SLCO6A1: variants seen among roughly 807,000 people sequenced by gnomAD.
SLCO6A1 encodes the protein solute carrier organic anion transporter family member 6A1.
In SLCO6A1, 65 loss-of-function variants were observed where a neutral mutation model predicts 72.7. That is an observed-to-expected ratio of 0.89 (90% CI 0.73 to 1.10). The LOEUF is 1.10. Among genes scored for constraint, SLCO6A1 ranks in the 50% least tolerant of loss-of-function variants. SLCO6A1 has a pLI of 0.00. For synonymous variants in SLCO6A1, 314 were observed against 298.2 expected, an observed-to-expected ratio of 1.05 and a Z score of -0.55; for missense variants, 874 against 872.6, an observed-to-expected ratio of 1.00 and a Z score of -0.02.
At chr5:102,375,678 G>A (rs1433659751) in intron 12 of SLCO6A1, among the ~76,000 whole-genome samples, 1 of 151,974 alleles carries the variant, frequency 6.6e-6, no homozygotes, top group East Asian at 1.9e-4. Context: ...GGCCGACAGG[G>A]TGCATGAAGA....
intron 7 of SLCO6A1, among the ~76,000 whole-genome samples, chr5:102,420,629 TC>T (rs1748542993): frequency 6.6e-6 from 1 of 150,992 alleles, no homozygotes; most frequent in Non-Finnish European, 1.5e-5. Flanking sequence ...CAGAAGACAA[TC>T]AGATGAGATA....
intron 11 of SLCO6A1, among the ~76,000 whole-genome samples, 193 bp downstream of exon 11, chr5:102,390,788 T>C (rs1746711878): frequency 6.6e-6 from 1 of 152,150 alleles, no homozygotes; most frequent in Non-Finnish European, 1.5e-5. Context: ...TATTTGATAA[T>C]TTGATAATTA....
At chr5:102,431,141 T>A (rs1388353531) in intron 7 of SLCO6A1, among the ~76,000 whole-genome samples, 1 of 151,968 alleles carries the variant, frequency 6.6e-6, no homozygotes, top group African/African-American at 2.4e-5. Flanking sequence ...AGTGGTAATA[T>A]CCTCCTTATC....
rs1220967239 is a variant in SLCO6A1 at position 102,371,781 on chromosome 5, T to G, written c.*358A>C. ...ACACACTGTACAAGCATGTTCAAAG[T>G]GGCTTTGAATGTTATTATTTTACTT... On this transcript the variant is annotated 3_prime_UTR_variant, in exon 14 of 14. Coordinates refer to ENST00000506729, the MANE Select transcript of SLCO6A1 (RefSeq NM_173488.5). 6.6e-6 allele frequency: 1 copy of G among 151,690 alleles called. No individual in the cohort carries two copies. The highest frequency in any genetic ancestry group is 1.5e-5 in the Non-Finnish European group (1 of 67,780). 9.4% of individuals were successfully genotyped at this position (151,690 alleles called of 1,614,324 possible). A position where few individuals can be genotyped will look rare whatever the true frequency, so the allele number is the denominator to read the frequency against.
At chr5:102,455,011 T>A (rs965238608) in intron 6 of SLCO6A1, among the ~76,000 whole-genome samples, 1 of 93,026 alleles carries the variant, frequency 1.1e-5, no homozygotes, top group African/African-American at 3.6e-5. Context: ...TATATAAATA[T>A]ATATATATAT....
intron 6 of SLCO6A1, among the ~76,000 whole-genome samples, chr5:102,452,735 A>T (rs1220581775): frequency 6.6e-6 from 1 of 152,188 alleles, no homozygotes; most frequent in African/African-American, 2.4e-5. Context: ...CTCACTTTAT[A>T]AAAATTCATT....
intron 9 of SLCO6A1, among the ~76,000 whole-genome samples, chr5:102,410,155 C>A (rs201329007): frequency 2.0e-5 from 3 of 152,152 alleles, no homozygotes; most frequent in African/African-American, 7.2e-5. Context: ...CAAAGGAGAA[C>A]TGCAGTGGGT....
intron 11 of SLCO6A1, 82 bp from the exon 12 acceptor site, chr5:102,388,907 T>C: frequency 1.6e-6 from 2 of 1,236,470 alleles, no homozygotes; most frequent in Non-Finnish European, 2.2e-6. Flanking sequence ...ATAATATATA[T>C]GAATGACGAC....
chr5:102,436,858 A>T (rs1749564466), intron 7 of SLCO6A1, among the ~76,000 whole-genome samples: 1 of 152,190 alleles, frequency 6.6e-6, no homozygotes, highest in Non-Finnish European at 1.5e-5. Context: ...TTATATTCTC[A>T]TTTTGGGATG....
intron 11 of SLCO6A1, among the ~76,000 whole-genome samples, chr5:102,389,453 C>CTCT (rs1554065641): frequency 1.4e-5 from 1 of 69,120 alleles, no homozygotes; most frequent in African/African-American, 4.8e-5. Flanking sequence ...CCGCCCCCCA[C>CTCT]CCCCACACAC....
chr5:102,473,709 A>G (rs1751746772), intron 4 of SLCO6A1, among the ~76,000 whole-genome samples: 1 of 152,044 alleles, frequency 6.6e-6, no homozygotes, highest in African/African-American at 2.4e-5. Context: ...TTATATATAG[A>G]AAACCCTAAG....
chr5:102,376,441 G>A (rs995895135), intron 12 of SLCO6A1, among the ~76,000 whole-genome samples: 1 of 151,834 alleles, frequency 6.6e-6, no homozygotes, highest in Non-Finnish European at 1.5e-5. Flanking sequence ...CCAATGGAGG[G>A]GGAGAAATGG....
rs144619414 is a variant in SLCO6A1, at chr5:102,455,027, T to TATATATATATATATACATAA, written c.1131+3354_1131+3355insTTATGTATATATATATATAT. ...ATATAAATATATATATATATATATA[T>TATATATATATATATACATAA]AAATTATGTTATAACAAAGATCTAT... On this transcript the variant is annotated intron_variant, in intron 6 of 13. Coordinates refer to ENST00000506729, the MANE Select transcript of SLCO6A1 (RefSeq NM_173488.5). Among the ~76,000 whole-genome samples, 965 of 141,750 alleles carry TATATATATATATATACATAA rather than the reference T, an allele frequency of 6.8e-3. 10 individuals are homozygous for TATATATATATATATACATAA. The highest frequency in any genetic ancestry group is 0.015 in the Middle Eastern group (4 of 264). The allele number at this position is 141,750 out of a possible 152,430, so 93.0% of individuals were successfully genotyped here.
rs558232124 is a variant in SLCO6A1 at position 102,397,622 on chromosome 5, C to T, written c.1814+1933G>A. Among the ~76,000 whole-genome samples, 5 of 152,260 alleles carry T rather than the reference C, an allele frequency of 3.3e-5. No individual in the cohort carries two copies. In the South Asian group the frequency reaches 1.0e-3, roughly 32 times the overall value. On this transcript the variant is annotated intron_variant, in intron 10 of 13. Transcript: ENST00000506729. ...CCTGAGAGATTCTTCCTCAACTTAT[C>T]TATGTAAGTCCTGCTCCCAGAAGGT... is the stretch of plus-strand genomic sequence containing the variant.
At chr5:102,498,132 A>C (rs997577508) in intron 1 of SLCO6A1, among the ~76,000 whole-genome samples, 6 of 152,156 alleles carry the variant, frequency 3.9e-5, no homozygotes, top group African/African-American at 1.4e-4. Context: ...AGCCCCTGCC[A>C]GCCAAATTAT....
At chr5:102,455,886 A>G (rs138956020) in intron 6 of SLCO6A1, among the ~76,000 whole-genome samples, 2,415 of 152,296 alleles carry the variant, frequency 0.016, 60 homozygotes, top group African/African-American at 0.054. Context: ...ATCCATTAGC[A>G]CATCAAAAAG....
At chr5:102,482,803 G>C (rs1303002409) in intron 1 of SLCO6A1, among the ~76,000 whole-genome samples, 1 of 152,134 alleles carries the variant, frequency 6.6e-6, no homozygotes, top group African/African-American at 2.4e-5. Context: ...GATGACAAAA[G>C]AAGAACCCAT....
chr5:102,475,424 T>C (rs763201766), intron 4 of SLCO6A1, among the ~76,000 whole-genome samples: 10 of 152,108 alleles, frequency 6.6e-5, no homozygotes, highest in African/African-American at 9.7e-5. Flanking sequence ...AGAACAATGA[T>C]TGCATTTTTG....
At chr5:102,431,074 A>C (rs1749191631) in intron 7 of SLCO6A1, among the ~76,000 whole-genome samples, 1 of 151,970 alleles carries the variant, frequency 6.6e-6, no homozygotes, top group African/African-American at 2.4e-5. Context: ...TTTCTAGTTC[A>C]TGTTTGTAAA....
Sources: gnomAD v4.1 joint callset for allele counts (sites outside exome capture counted in the v4.1 genomes callset) on GRCh38, gnomAD v4.1.1 for gene constraint, MANE v1.5 for transcripts, NCBI Gene and HGNC (gene_info 2026-07-23, HGNC 2026-07-21) for gene names.